Variants in NEK10 observed in about 807,000 individuals in gnomAD.
NEK10 encodes NIMA related kinase 10, also known as serine/threonine-protein kinase Nek10.
NEK10 carries 122 observed loss-of-function variants against 159.8 expected under a neutral mutation model. The ratio of observed to expected loss-of-function variants is 0.76; its 90% CI spans 0.66 to 0.89. The LOEUF (loss-of-function observed/expected upper bound fraction) is 0.89. NEK10 is among the 40% of genes least tolerant of loss of function. The pLI, the probability that NEK10 is intolerant of heterozygous loss-of-function variation, is 0.00. For synonymous variants in NEK10, 466 were observed against 457.1 expected, an observed-to-expected ratio of 1.02 and a Z score of -0.25; for missense variants, 1,342 against 1,323.1, an observed-to-expected ratio of 1.01 and a Z score of -0.22.
Position 27,116,097 on chromosome 3 carries a change from C to T in NEK10, c.3221G>A (p.Gly1074Glu). ...CACCTGCATCTGTTCATATGTTATT[C>T]CTTCCTCCAATTCAATGCTGGTTGG... ...GLPTSIELEE[G>E]ITYEQMQTVI... Residue 1074 changes from glycine (G) to glutamate (E), a missense_variant, in exon 34 of 36, where the codon GGA becomes GAA. Transcript: ENST00000691995. 1 of 1,613,560 alleles carries T rather than the reference C, an allele frequency of 6.2e-7. No homozygotes were observed. The highest frequency in any genetic ancestry group is 8.5e-7 in the Non-Finnish European group (1 of 1,179,726).
At chr3:27,163,584 C>T (rs1415893592) in intron 29 of NEK10, among the ~76,000 whole-genome samples, 15 of 151,902 alleles carry the variant, frequency 9.9e-5, no homozygotes, top group Non-Finnish European at 1.9e-4. Context: ...GATCTCCTGA[C>T]GTCATGATCC....
chr3:27,366,846 T>C (rs537019237), intron 1 of NEK10, among the ~76,000 whole-genome samples: 133 of 148,408 alleles, frequency 9.0e-4, no homozygotes, highest in African/African-American at 3.3e-3. Flanking sequence ...AGTTTCACTC[T>C]TGTTGCCCAG....
rs1272754017 is a variant in NEK10 at position 27,167,166 on chromosome 3, T to TAA, written c.2832-4430_2832-4429dup. On this transcript the variant is annotated intron_variant, in intron 29 of 35. Coordinates refer to ENST00000691995, the MANE Select transcript of NEK10 (RefSeq NM_001394966.1). ...TGGTTGCCGGAGCAACAGGATCCTT[T>TAA]AAAAAAAAAAAAATGTGCCTTAAGC... Among the ~76,000 whole-genome samples the TAA allele has an allele frequency of 7.7e-3, 1,107 of 144,392 alleles. 12 individuals carry two copies. Among genetic ancestry groups the TAA allele is most frequent in the Middle Eastern group, 0.029 (8 of 280 alleles). 94.7% of individuals were successfully genotyped at this position (144,392 alleles called of 152,430 possible). A position where few individuals can be genotyped will look rare whatever the true frequency, so the allele number is the denominator to read the frequency against.
rs997902711 is a variant in NEK10 at position 27,108,502 on chromosome 3, A to T, written c.*2770T>A. Among the ~76,000 whole-genome samples, 6 of 152,264 alleles carry T rather than the reference A, an allele frequency of 3.9e-5. No homozygotes were observed. Among genetic ancestry groups the T allele is most frequent in the Admixed American group, 6.5e-5 (1 of 15,286 alleles). ...ATTCAGAAAGAGCTGGTGGGTCGAA[A>T]CATAATTAACGGGAGCATTTGTGTT... On this transcript the variant is annotated 3_prime_UTR_variant, in exon 36 of 36. Transcript: ENST00000691995.
chr3:27,137,149 G>A (rs1007131214), intron 31 of NEK10, among the ~76,000 whole-genome samples: 1 of 152,046 alleles, frequency 6.6e-6, no homozygotes, highest in South Asian at 2.1e-4. Context: ...TCCCGACTAT[G>A]TGCAATGTCA....
intron 22 of NEK10, among the ~76,000 whole-genome samples, chr3:27,267,611 C>T (rs531741868): frequency 2.0e-5 from 3 of 152,238 alleles, no homozygotes; most frequent in African/African-American, 4.8e-5. Context: ...ACAAACCATG[C>T]GCATATAAGA....
chr3:27,191,436 T>C (rs1949111980), intron 26 of NEK10, among the ~76,000 whole-genome samples: 1 of 152,228 alleles, frequency 6.6e-6, no homozygotes, highest in Non-Finnish European at 1.5e-5. Flanking sequence ...AACAAGAGCA[T>C]CACTGGCACC....
At chr3:27,220,257 T>C (rs1176907295) in intron 23 of NEK10, among the ~76,000 whole-genome samples, 1 of 152,210 alleles carries the variant, frequency 6.6e-6, no homozygotes, top group Non-Finnish European at 1.5e-5. Flanking sequence ...ATCAAGGTTT[T>C]GGTAGGGCTG....
chr3:27,141,773 G>C (rs993617290), intron 30 of NEK10, among the ~76,000 whole-genome samples, 191 bp from the exon 31 acceptor site: 1 of 152,024 alleles, frequency 6.6e-6, no homozygotes. Context: ...TTACTTCTCA[G>C]ACTTCTAAGT....
At chr3:27,237,933 C>T (rs1234664785) in intron 23 of NEK10, among the ~76,000 whole-genome samples, 1 of 152,122 alleles carries the variant, frequency 6.6e-6, no homozygotes, top group African/African-American at 2.4e-5. Context: ...ATGCTTTCCG[C>T]ACCCTCAAGA....
At position 27,171,818 on chromosome 3, in the gene NEK10, C is replaced by T; in HGVS notation, c.2831+1G>A. ...TTTCTAGGAGTTCAATTTGCACCTA[C>T]CTTGTTTGGGATTGTCTTTCTCCTC... is the stretch of plus-strand genomic sequence containing the variant. On this transcript the variant is annotated splice_donor_variant, in intron 29 of 35. Coordinates refer to ENST00000691995, the MANE Select transcript of NEK10 (RefSeq NM_001394966.1). LOFTEE classifies it high-confidence loss of function. 1 of 1,613,660 alleles carries T rather than the reference C, an allele frequency of 6.2e-7. No individual in the cohort carries two copies. The highest frequency in any genetic ancestry group is 8.5e-7 in the Non-Finnish European group (1 of 1,179,880).
chr3:27,129,889 GTT>G (rs199948729), intron 32 of NEK10, among the ~76,000 whole-genome samples: 1 of 144,872 alleles, frequency 6.9e-6, no homozygotes, highest in African/African-American at 2.5e-5. Flanking sequence ...ATTAAGAAAG[GTT>G]TTTTTTTTTT....
At chr3:27,349,521 C>A (rs924740424) in intron 3 of NEK10, among the ~76,000 whole-genome samples, 10 of 152,316 alleles carry the variant, frequency 6.6e-5, no homozygotes, top group African/African-American at 2.4e-4. Context: ...AGAACCACCA[C>A]CATGCCTTAT....
intron 32 of NEK10, among the ~76,000 whole-genome samples, chr3:27,126,619 C>A (rs1941982611): frequency 6.6e-6 from 1 of 152,140 alleles, no homozygotes; most frequent in Non-Finnish European, 1.5e-5. Flanking sequence ...AATCTCCACC[C>A]TTCCCCAGTC....
chr3:27,142,773 T>C (rs944625565), intron 30 of NEK10, among the ~76,000 whole-genome samples: 8 of 152,186 alleles, frequency 5.3e-5, no homozygotes, highest in African/African-American at 1.7e-4. Flanking sequence ...AAAATGTATA[T>C]TTAAGACATA....
chr3:27,227,605 T>C (rs562530842), intron 23 of NEK10, among the ~76,000 whole-genome samples: 1 of 152,266 alleles, frequency 6.6e-6, no homozygotes. Flanking sequence ...ACTGACATGG[T>C]GGCTGAAGGG....
chr3:27,256,372 C>G lies in NEK10; in HGVS notation c.2015-1G>C. 6.4e-7 allele frequency: 1 copy of G among 1,563,988 alleles called. No individual in the cohort carries two copies. The highest frequency in any genetic ancestry group is 8.6e-7 in the Non-Finnish European group (1 of 1,157,728). On this transcript the variant is annotated splice_acceptor_variant, in intron 22 of 35. Transcript: ENST00000691995. LOFTEE classifies it high-confidence loss of function. ...TTTTGCTTTGCCAGGCCAAAGTCAG[C>G]TACAATTCACAAAACAACGCAATAT...
chr3:27,214,675 G>A, intron 23 of NEK10: 1 of 573,406 alleles, frequency 1.7e-6, no homozygotes. Flanking sequence ...GGAGTTTAAA[G>A]CATTACTGAT....
chr3:27,361,964 T>C lies in NEK10; in HGVS notation c.-38+7261A>G, dbSNP rs77333215. 2.4e-3 allele frequency among the ~76,000 whole-genome samples: 370 copies of C among 152,220 alleles called. 9 individuals are homozygous for C. In the East Asian group the frequency reaches 0.06, roughly 24 times the overall value. On this transcript the variant is annotated intron_variant, in intron 1 of 35. Coordinates refer to ENST00000691995, the MANE Select transcript of NEK10 (RefSeq NM_001394966.1). ...TCATAAATATGTAGGGTAAAGCATATGAAATTGCTGATAATGTCTCTTTGT... is the reference window on the plus strand; with the variant it reads ...TCATAAATATGTAGGGTAAAGCATACGAAATTGCTGATAATGTCTCTTTGT...
Sources: gnomAD v4.1 joint callset for allele counts (sites outside exome capture counted in the v4.1 genomes callset) on GRCh38, gnomAD v4.1.1 for gene constraint, MANE v1.5 for transcripts, NCBI Gene and HGNC (gene_info 2026-07-23, HGNC 2026-07-21) for gene names.